The following MICAL3 variants were observed in gnomAD, a reference collection of about 807,000 sequenced individuals.
The protein encoded by MICAL3 is [F-actin]-monooxygenase MICAL3.
MICAL3 carries 62 observed loss-of-function variants against 207.4 expected under a neutral mutation model. The ratio of observed to expected loss-of-function variants is 0.30; its 90% CI spans 0.24 to 0.37. The LOEUF is 0.37. Ranked by LOEUF, MICAL3 falls within the 10% of genes least tolerant of loss-of-function variation. The pLI is 1.00. For missense variants in MICAL3, 2,368 were observed against 2,635.6 expected, an observed-to-expected ratio of 0.90 and a Z score of 2.22; for synonymous variants, 1,077 against 1,069.3, an observed-to-expected ratio of 1.01 and a Z score of -0.14.
At chr22:17,971,351 C>G (rs1434431526) in intron 1 of MICAL3, among the ~76,000 whole-genome samples, 1 of 152,012 alleles carries the variant, frequency 6.6e-6, no homozygotes, top group African/African-American at 2.4e-5. Flanking sequence ...GTCTGTAATC[C>G]CAGCTACTTG....
At chr22:18,015,918 C>T (rs1208265897) in intron 1 of MICAL3, among the ~76,000 whole-genome samples, 1 of 152,130 alleles carries the variant, frequency 6.6e-6, no homozygotes, top group Non-Finnish European at 1.5e-5. Flanking sequence ...TAATATTAGA[C>T]ATTTCAGTGA....
At chr22:17,912,479 A>AC (rs1932207839) in intron 1 of MICAL3, among the ~76,000 whole-genome samples, 3 of 151,970 alleles carry the variant, frequency 2.0e-5, no homozygotes, top group African/African-American at 7.2e-5. Context: ...ATAAGCGTGA[A>AC]TTTGTTCTCA....
chr22:17,822,279 T>G, intron 23 of MICAL3, 109 bp from the exon 24 acceptor site: 1 of 1,371,368 alleles, frequency 7.3e-7, no homozygotes, highest in South Asian at 1.4e-5. Context: ...GCTGCTCAGG[T>G]GCAGGCCTGG....
intron 29 of MICAL3, chr22:17,803,608 C>G (rs972699916): frequency 6.4e-6 from 1 of 155,404 alleles, no homozygotes; most frequent in Non-Finnish European, 1.4e-5. Context: ...GCAGCAAAAG[C>G]AAGCTCAGAT....
At chr22:17,880,437 G>A (rs779939273) in intron 16 of MICAL3, among the ~76,000 whole-genome samples, 2 of 151,992 alleles carry the variant, frequency 1.3e-5, no homozygotes, top group Non-Finnish European at 2.9e-5. Flanking sequence ...TGCTCAACCT[G>A]CAACGGCTCA....
At chr22:17,827,611 G>A in intron 22 of MICAL3, 33 bp downstream of exon 22, 2 of 1,529,868 alleles carry the variant, frequency 1.3e-6, no homozygotes, top group Non-Finnish European at 1.8e-6. Flanking sequence ...TGGTGCTCGG[G>A]GCACACTGCG....
intron 29 of MICAL3, among the ~76,000 whole-genome samples, chr22:17,808,501 C>T (rs1039891191): frequency 3.9e-5 from 6 of 152,166 alleles, no homozygotes; most frequent in Admixed American, 1.3e-4. Context: ...TGGTTCCTTG[C>T]GGTTCAATCT....
chr22:17,948,390 G>C (rs1424255312), intron 1 of MICAL3, among the ~76,000 whole-genome samples: 2 of 152,172 alleles, frequency 1.3e-5, no homozygotes, highest in East Asian at 3.9e-4. Flanking sequence ...GGATACCGGG[G>C]GGCCATGATG....
chr22:17,884,861 G>A (rs1929737068), intron 16 of MICAL3, among the ~76,000 whole-genome samples: 1 of 152,124 alleles, frequency 6.6e-6, no homozygotes, highest in African/African-American at 2.4e-5. Context: ...GACTAGATGT[G>A]GGAGGTAGTT....
chr22:17,790,420 G>A lies in MICAL3; in HGVS notation c.*312C>T, dbSNP rs917762512. The stretch of plus-strand genomic sequence containing the variant: ...TTACCAAATGTGCCAGTGGAAAAAA[G>A]GGGCACAGCCAGCACATCCTCAGGG... On this transcript the variant is annotated 3_prime_UTR_variant, in exon 32 of 32. Transcript: ENST00000441493. 11 of 344,116 alleles carry A rather than the reference G, an allele frequency of 3.2e-5. No individual in the cohort carries two copies. The highest frequency in any genetic ancestry group is 2.3e-4 in the African/African-American group (11 of 48,178). 21.3% of individuals were successfully genotyped at this position (344,116 alleles called of 1,614,324 possible).
At chr22:17,827,873 A>C (rs1871432392) in intron 21 of MICAL3, 92 bp from the exon 22 acceptor site, 2 of 1,362,706 alleles carry the variant, frequency 1.5e-6, no homozygotes, top group Non-Finnish European at 2.0e-6. Context: ...AAGTTACAGC[A>C]TTGGCCAGGG....
chr22:17,857,207 G>A (rs1926019546), intron 19 of MICAL3, among the ~76,000 whole-genome samples: 1 of 152,198 alleles, frequency 6.6e-6, no homozygotes, highest in South Asian at 2.1e-4. Flanking sequence ...CAGGAACCAG[G>A]CCGCATAGCA....
At chr22:17,962,265 T>A (rs1110663) in intron 1 of MICAL3, among the ~76,000 whole-genome samples, 1 of 151,396 alleles carries the variant, frequency 6.6e-6, no homozygotes, top group East Asian at 1.9e-4. Context: ...TGTCCTCAAC[T>A]GGGCAGGCAG....
chr22:17,906,572 C>T lies in MICAL3; in HGVS notation c.241G>A (p.Gly81Arg). The T allele has an allele frequency of 1.2e-6, 2 of 1,612,050 alleles. No homozygotes were observed. The highest frequency in any genetic ancestry group is 1.7e-6 in the Non-Finnish European group (2 of 1,178,508). Residue 81 changes from glycine (G) to arginine (R), a missense_variant, in exon 2 of 32, where the codon GGA becomes AGA. Physicochemically the swap from Gly to Arg is moderately radical, Grantham distance 125. Around this residue, in one of 4 missense-constraint regions of MICAL3, gnomAD observed 400 missense variants for 547.0 expected, o/e 0.73. Transcript: ENST00000441493. Reference protein sequence around the residue: ...KRGSHKDYKKGKACTNTKCLI... With the variant: ...KRGSHKDYKKRKACTNTKCLI... The stretch of plus-strand genomic sequence containing the variant: ...ACCTTGGTGTTAGTGCACGCTTTTC[C>T]CTTTTTGTAGTCTTTGTGACTGCCC...
At chr22:17,886,988 C>CAAAAAAAAAAAAA (rs55999508) in intron 15 of MICAL3, among the ~76,000 whole-genome samples, 182 bp downstream of exon 15, 33 of 41,348 alleles carry the variant, frequency 8.0e-4, no homozygotes, top group South Asian at 1.3e-3. Context: ...ACTCTTGTCT[C>CAAAAAAAAAAAAA]AAAAAAAAAA....
chr22:18,021,750 G>A (rs1924490780), intron 1 of MICAL3, among the ~76,000 whole-genome samples: 1 of 152,158 alleles, frequency 6.6e-6, no homozygotes, highest in South Asian at 2.1e-4. Flanking sequence ...CTATGGTAGG[G>A]AGACCCTTCC....
intron 1 of MICAL3, among the ~76,000 whole-genome samples, chr22:17,980,696 A>G (rs1935866903): frequency 6.6e-6 from 1 of 152,254 alleles, no homozygotes; most frequent in Admixed American, 6.5e-5. Flanking sequence ...TACAACGAGC[A>G]GCTGTGCACT....
At chr22:18,004,825 C>T (rs1330905768) in intron 1 of MICAL3, 1 of 152,206 alleles carries the variant, frequency 6.6e-6, no homozygotes, top group African/African-American at 2.4e-5. Flanking sequence ...TCTAGTGCCC[C>T]CACCATAACT....
At chr22:17,949,699 T>G (rs73388476) in intron 1 of MICAL3, among the ~76,000 whole-genome samples, 4,793 of 152,316 alleles carry the variant, frequency 0.031, 287 homozygotes, top group African/African-American at 0.11. Context: ...GCCTGCTCAA[T>G]GCCAAGGATG....
Sources: allele counts gnomAD v4.1 joint callset (sites outside exome capture counted in the v4.1 genomes callset), GRCh38; gene constraint gnomAD v4.1.1; regional missense constraint gnomAD v4.1.1; transcripts MANE v1.5; gene names NCBI Gene and HGNC (gene_info 2026-07-23, HGNC 2026-07-21).